CCDC88A: variants seen among roughly 807,000 people sequenced by gnomAD.
The protein encoded by CCDC88A is coiled-coil and HOOK domain protein 88A, also known as girdin.
In CCDC88A, 54 loss-of-function variants were observed where a neutral mutation model predicts 234.3. That is an observed-to-expected ratio of 0.23 (90% CI 0.19 to 0.29). The LOEUF (loss-of-function observed/expected upper bound fraction) is 0.29. Ranked by LOEUF, CCDC88A falls within the 10% of genes least tolerant of loss-of-function variation. CCDC88A has a pLI of 1.00. For missense variants in CCDC88A, 1,832 were observed against 2,123.4 expected (o/e 0.86, Z 2.70); for synonymous variants, 753 against 737.8 (o/e 1.02, Z -0.33).
chr2:55,380,691 T>C (rs556226618), intron 3 of CCDC88A, among the ~76,000 whole-genome samples: 6 of 152,280 alleles, frequency 3.9e-5, no homozygotes, highest in Non-Finnish European at 5.9e-5. Flanking sequence ...TCTCGACTCA[T>C]TGCAACCTCT....
At chr2:55,330,576 A>G (rs72923157) in intron 16 of CCDC88A, among the ~76,000 whole-genome samples, 10,783 of 152,160 alleles carry the variant, frequency 0.071, 1,207 homozygotes, top group African/African-American at 0.24. Flanking sequence ...CATTAAAGGA[A>G]TTTATGTCTG....
At chr2:55,384,324 C>A (rs1160897072) in intron 3 of CCDC88A, among the ~76,000 whole-genome samples, 83 of 133,240 alleles carry the variant, frequency 6.2e-4, no homozygotes, top group Non-Finnish European at 6.3e-4. Flanking sequence ...AACTCCATCT[C>A]AAAAAAAAAA....
chr2:55,403,102 T>A (rs953829091), intron 2 of CCDC88A, among the ~76,000 whole-genome samples: 1 of 152,140 alleles, frequency 6.6e-6, no homozygotes, highest in Non-Finnish European at 1.5e-5. Context: ...TTTCTATAAA[T>A]CAAATTTCAT....
At position 55,322,692 on chromosome 2, in the gene CCDC88A, C is replaced by T. The variant is rs1304008557; in HGVS notation, c.2998G>A (p.Val1000Met). 2 of 1,494,510 alleles carry T rather than the reference C, an allele frequency of 1.3e-6. No homozygotes were observed. Among genetic ancestry groups the T allele is most frequent in the Non-Finnish European group, 1.8e-6 (2 of 1,111,606 alleles). 92.6% of individuals were successfully genotyped at this position (1,494,510 alleles called of 1,614,324 possible). ...NQQLRQELKT[V>M]KKNYEALKQR... is the part of the protein sequence containing the mutation. ...TTGAGAGCTTCATAATTTTTTTTCA[C>T]CTAAAATTTTATTTAAAATATTTTA... Residue 1000 changes from valine (V) to methionine (M), a missense_variant and splice_region_variant, in exon 18 of 33, where the codon GTG becomes ATG. Coordinates refer to ENST00000436346, the MANE Select transcript of CCDC88A (RefSeq NM_001365480.1).
chr2:55,368,583 C>T (rs992574520), intron 5 of CCDC88A, among the ~76,000 whole-genome samples: 1 of 152,004 alleles, frequency 6.6e-6, no homozygotes, highest in Non-Finnish European at 1.5e-5. Flanking sequence ...CTCAACCTCC[C>T]ATAGTGCTGA....
At chr2:55,324,493 A>G (rs1365926906) in intron 17 of CCDC88A, among the ~76,000 whole-genome samples, 1 of 152,128 alleles carries the variant, frequency 6.6e-6, no homozygotes, top group Non-Finnish European at 1.5e-5. Context: ...TTCTGAGTAT[A>G]TTTCTAAGCT....
chr2:55,292,688 C>T lies in CCDC88A; in HGVS notation c.5552-913G>A, dbSNP rs539392813. On this transcript the variant is annotated intron_variant, in intron 31 of 32. Coordinates refer to ENST00000436346, the MANE Select transcript of CCDC88A (RefSeq NM_001365480.1). Reference sequence around the variant, plus strand: ...CTAGCTTGGCCAACATGGTGAAACACCGTCTCTACTAAAAATACAAAAATT... The same window carrying T: ...CTAGCTTGGCCAACATGGTGAAACATCGTCTCTACTAAAAATACAAAAATT... 3.9e-5 allele frequency: 6 copies of T among 152,340 alleles called. No homozygotes were observed. The East Asian group carries it at 1.2e-3, about 29-fold the overall frequency. The allele number at this position is 152,340 out of a possible 1,614,324, so 9.4% of individuals were successfully genotyped here.
chr2:55,398,842 G>A (rs1324213668), intron 2 of CCDC88A, among the ~76,000 whole-genome samples: 1 of 151,196 alleles, frequency 6.6e-6, no homozygotes, highest in Non-Finnish European at 1.5e-5. Flanking sequence ...TCCCACCTGG[G>A]TGACAGAGCA....
chr2:55,341,405 T>C (rs1221510450), intron 12 of CCDC88A, among the ~76,000 whole-genome samples: 1 of 150,918 alleles, frequency 6.6e-6, no homozygotes, highest in African/African-American at 2.4e-5. Context: ...CCCAGAGTGC[T>C]GGGATTACAG....
Position 55,317,560 on chromosome 2 carries a change from T to C in CCDC88A, c.3602+4A>G. The C allele has an allele frequency of 6.5e-7, 1 of 1,533,832 alleles. No individual in the cohort carries two copies. The highest frequency in any genetic ancestry group is 8.8e-7 in the Non-Finnish European group (1 of 1,137,024). ...TCACAGTACAACAAAATATAATAAATTACCGGTCTTCAAGGTCTCTATGTT... is the reference window on the plus strand; with the variant it reads ...TCACAGTACAACAAAATATAATAAACTACCGGTCTTCAAGGTCTCTATGTT... On this transcript the variant is annotated splice_donor_region_variant and intron_variant, in intron 20 of 32. Transcript: ENST00000436346. This position sits in a 1 kb window ranked among gnomAD's most constrained non-coding sequence, Gnocchi z 4.2.
intron 4 of CCDC88A, among the ~76,000 whole-genome samples, chr2:55,373,708 T>C (rs547758270): frequency 1.3e-5 from 2 of 152,126 alleles, no homozygotes; most frequent in East Asian, 3.9e-4. Flanking sequence ...ATTTTTTTCA[T>C]TTTTAAATTT....
intron 2 of CCDC88A, among the ~76,000 whole-genome samples, chr2:55,408,015 G>T (rs1201319966): frequency 6.6e-6 from 1 of 151,832 alleles, no homozygotes; most frequent in Non-Finnish European, 1.5e-5. Context: ...ACCGCGCCTG[G>T]CCCTTTCTAC....
chr2:55,379,584 A>C (rs913617506), intron 3 of CCDC88A, among the ~76,000 whole-genome samples: 2 of 152,234 alleles, frequency 1.3e-5, no homozygotes, highest in Non-Finnish European at 2.9e-5. Flanking sequence ...TAAGAGAAGA[A>C]AGACAATAAA....
At chr2:55,363,851 T>G in intron 6 of CCDC88A, 99 bp downstream of exon 6, 1 of 593,970 alleles carries the variant, frequency 1.7e-6, no homozygotes. Flanking sequence ...GTTGATTTGT[T>G]CTTGCTTATT....
At chr2:55,401,162 G>T (rs1483125713) in intron 2 of CCDC88A, among the ~76,000 whole-genome samples, 3 of 151,688 alleles carry the variant, frequency 2.0e-5, no homozygotes, top group African/African-American at 4.8e-5. Context: ...AGGGGAGGTG[G>T]CTCATACCCA....
At chr2:55,411,977 G>C (rs1266852688) in intron 2 of CCDC88A, among the ~76,000 whole-genome samples, 1 of 152,092 alleles carries the variant, frequency 6.6e-6, no homozygotes, top group East Asian at 1.9e-4. Context: ...TACGGGGAAA[G>C]AGAGAGAACA....
At chr2:55,374,999 C>G in intron 3 of CCDC88A, 116 bp from the exon 4 acceptor site, 1 of 591,156 alleles carries the variant, frequency 1.7e-6, no homozygotes, top group Non-Finnish European at 3.1e-6. Flanking sequence ...TGCAATTAAA[C>G]AAATATGGAA....
chr2:55,359,768 T>G (rs1400532200), intron 7 of CCDC88A, among the ~76,000 whole-genome samples: 3 of 151,876 alleles, frequency 2.0e-5, no homozygotes, highest in Non-Finnish European at 4.4e-5. Context: ...TTTGTCAGTT[T>G]TTTGCTCCCA....
chr2:55,336,965 T>G, intron 13 of CCDC88A, 147 bp from the exon 14 acceptor site: 1 of 534,218 alleles, frequency 1.9e-6, no homozygotes. Context: ...GAAATTCAAG[T>G]AGCATTCCAT....
Sources: allele counts gnomAD v4.1 joint callset (sites outside exome capture counted in the v4.1 genomes callset), GRCh38; gene constraint gnomAD v4.1.1; non-coding constraint Gnocchi (gnomAD v3.1); transcripts MANE v1.5; gene names NCBI Gene and HGNC (gene_info 2026-07-23, HGNC 2026-07-21).